RANBP17: variants seen among roughly 807,000 people sequenced by gnomAD.
The protein encoded by RANBP17 is ran-binding protein 17.
In RANBP17, 158 loss-of-function variants were observed where a neutral mutation model predicts 141.2. The observed-to-expected ratio is 1.12, with a 90% confidence interval of 0.98 to 1.28. RANBP17 has a LOEUF of 1.28. RANBP17 is among the 50% of genes most tolerant of loss of function. RANBP17 has a pLI of 0.00. For missense variants in RANBP17, 1,438 were observed against 1,290.7 expected, an observed-to-expected ratio of 1.11 and a Z score of -1.75; for synonymous variants, 430 against 450.0, an observed-to-expected ratio of 0.96 and a Z score of 0.56.
chr5:171,174,751 A>AGTGTGTGTGTGTGTGTGT (rs57948503), intron 16 of RANBP17, among the ~76,000 whole-genome samples: 4 of 135,622 alleles, frequency 2.9e-5, no homozygotes, highest in African/African-American at 8.4e-5. Context: ...AAATATCTAG[A>AGTGTGTGTGTGTGTGTGT]GTGTGTGTGT....
intron 7 of RANBP17, 79 bp from the exon 8 acceptor site, chr5:170,914,086 TCA>T: frequency 1.1e-6 from 1 of 922,780 alleles, no homozygotes; most frequent in South Asian, 1.4e-5. Flanking sequence ...CTTGGATTTC[TCA>T]GTTTGTGTGA....
chr5:170,936,235 G>T (rs1258749423), intron 12 of RANBP17, among the ~76,000 whole-genome samples: 1 of 152,144 alleles, frequency 6.6e-6, no homozygotes, highest in East Asian at 1.9e-4. Flanking sequence ...TGGACCTCTT[G>T]CGCTTCCAGG....
intron 22 of RANBP17, among the ~76,000 whole-genome samples, chr5:171,223,660 A>C (rs746129691): frequency 6.6e-6 from 1 of 152,192 alleles, no homozygotes; most frequent in African/African-American, 2.4e-5. Flanking sequence ...AAATAAAATC[A>C]TATAAAGTGG....
chr5:171,011,107 A>G (rs1036621299), intron 14 of RANBP17, among the ~76,000 whole-genome samples: 8 of 152,132 alleles, frequency 5.3e-5, no homozygotes, highest in Admixed American at 3.9e-4. Flanking sequence ...TCCAAAAAAG[A>G]TTGCAGACTA....
At chr5:170,977,320 A>C (rs1777450917) in intron 14 of RANBP17, among the ~76,000 whole-genome samples, 1 of 152,032 alleles carries the variant, frequency 6.6e-6, no homozygotes. Flanking sequence ...ACTAGGATGA[A>C]TATGATTAAA....
chr5:171,014,683 A>T (rs1780315122), intron 14 of RANBP17, among the ~76,000 whole-genome samples: 1 of 152,136 alleles, frequency 6.6e-6, no homozygotes, highest in South Asian at 2.1e-4. Flanking sequence ...TTAAGAAGTT[A>T]ATTATCTTCT....
chr5:170,932,741 G>C (rs1773503379), intron 12 of RANBP17, among the ~76,000 whole-genome samples: 1 of 152,130 alleles, frequency 6.6e-6, no homozygotes, highest in African/African-American at 2.4e-5. Flanking sequence ...AACCAGCCTT[G>C]CATCCCAGGG....
At chr5:171,014,973 A>C (rs1379312204) in intron 14 of RANBP17, among the ~76,000 whole-genome samples, 1 of 152,112 alleles carries the variant, frequency 6.6e-6, no homozygotes, top group Admixed American at 6.6e-5. Flanking sequence ...AATACATTAA[A>C]GAAGTTGTGT....
chr5:171,182,708 A>G (rs1760941454), intron 16 of RANBP17, among the ~76,000 whole-genome samples: 1 of 152,182 alleles, frequency 6.6e-6, no homozygotes, highest in South Asian at 2.1e-4. Flanking sequence ...TCCTAATTAT[A>G]TTCTGATCTT....
chr5:171,276,722 G>A (rs1003590391), intron 25 of RANBP17, among the ~76,000 whole-genome samples: 1 of 152,132 alleles, frequency 6.6e-6, no homozygotes, highest in Non-Finnish European at 1.5e-5. Context: ...ATGTAAAGCA[G>A]ATAGAGAATA....
intron 12 of RANBP17, among the ~76,000 whole-genome samples, chr5:170,951,462 CATT>C (rs1318596714): frequency 6.6e-6 from 1 of 151,982 alleles, no homozygotes; most frequent in Non-Finnish European, 1.5e-5. Flanking sequence ...TCCTTGAAAA[CATT>C]ATGCTGACTT....
intron 16 of RANBP17, among the ~76,000 whole-genome samples, chr5:171,177,989 C>T (rs573309003): frequency 2.0e-5 from 3 of 150,308 alleles, no homozygotes; most frequent in Admixed American, 6.6e-5. Context: ...GATGCTTCAT[C>T]GTTGTTATAC....
rs560354033 is a variant in RANBP17 at position 171,243,490 on chromosome 5, C to T, written c.2776+670C>T. ...TACAGCTATTATGAACATTCCTATA[C>T]AAGTATTTATGTAGGTAAATTTTTT... On this transcript the variant is annotated intron_variant, in intron 24 of 27. Transcript: ENST00000523189. 2.0e-5 allele frequency among the ~76,000 whole-genome samples: 3 copies of T among 152,266 alleles called. No homozygotes were observed. The South Asian group carries it at 6.2e-4, about 32-fold the overall frequency.
intron 14 of RANBP17, among the ~76,000 whole-genome samples, chr5:170,989,250 T>A (rs1168148995): frequency 6.6e-6 from 1 of 151,800 alleles, no homozygotes; most frequent in African/African-American, 2.4e-5. Context: ...CTACTTGTGC[T>A]GCAGAAACGC....
intron 14 of RANBP17, among the ~76,000 whole-genome samples, chr5:170,990,137 C>T (rs923254461): frequency 6.6e-6 from 1 of 151,762 alleles, no homozygotes; most frequent in African/African-American, 2.4e-5. Context: ...GCATAGTTTG[C>T]AATTTATTGA....
chr5:171,080,193 A>G (rs536973163), intron 14 of RANBP17, among the ~76,000 whole-genome samples: 2 of 151,902 alleles, frequency 1.3e-5, no homozygotes, highest in Admixed American at 6.6e-5. Flanking sequence ...AATGATTGCT[A>G]ATTACTTGGG....
chr5:170,945,895 G>A (rs968124313), intron 12 of RANBP17, among the ~76,000 whole-genome samples: 2 of 152,132 alleles, frequency 1.3e-5, no homozygotes, highest in African/African-American at 4.8e-5. Context: ...AGACTCAGGA[G>A]ACAGCTAAAG....
At chr5:171,297,559 C>T (rs1317477635) in intron 27 of RANBP17, among the ~76,000 whole-genome samples, 1 of 151,942 alleles carries the variant, frequency 6.6e-6, no homozygotes, top group African/African-American at 2.4e-5. Flanking sequence ...GACATATTCC[C>T]TTGACTGCTC....
chr5:171,293,278 T>C (rs1768614659), intron 25 of RANBP17, among the ~76,000 whole-genome samples: 1 of 152,192 alleles, frequency 6.6e-6, no homozygotes, highest in Non-Finnish European at 1.5e-5. Context: ...TATAATCTTA[T>C]CTCCCCTATG....
Sources: gnomAD v4.1 joint callset for allele counts (sites outside exome capture counted in the v4.1 genomes callset) on GRCh38, gnomAD v4.1.1 for gene constraint, MANE v1.5 for transcripts, NCBI Gene and HGNC (gene_info 2026-07-23, HGNC 2026-07-21) for gene names.